Variants in FAM98B observed in about 807,000 individuals in gnomAD.
FAM98B encodes the protein tRNA-splicing ligase complex subunit FAM98B.
Under a neutral mutation model 43.9 loss-of-function variants are expected in FAM98B, and 32 were observed. That is an observed-to-expected ratio of 0.73 (90% CI 0.55 to 0.98). The LOEUF (loss-of-function observed/expected upper bound fraction) is 0.98. Ranked by LOEUF, FAM98B falls within the 50% of genes least tolerant of loss-of-function variation. The pLI is 0.00. For synonymous variants in FAM98B, 190 were observed against 174.0 expected (o/e 1.09, Z -0.72); for missense variants, 514 against 522.9 (o/e 0.98, Z 0.17).
intron 4 of FAM98B, among the ~76,000 whole-genome samples, chr15:38,471,453 AGATTGAGACAGATTTCT>A (rs1373526169): frequency 6.6e-6 from 1 of 152,090 alleles, no homozygotes; most frequent in African/African-American, 2.4e-5. Flanking sequence ...GGACTATTTC[AGATTGAGACAGATTTCT>A]GAGCTCATTA....
chr15:38,480,880 G>C lies in FAM98B; in HGVS notation c.730-412G>C, dbSNP rs545454087. Among the ~76,000 whole-genome samples, 25 of 152,008 alleles carry C rather than the reference G, an allele frequency of 1.6e-4. No individual in the cohort carries two copies. The South Asian group carries it at 2.1e-3, about 13-fold the overall frequency. ...TATAGGATTATAAGTTAATTTGGGG[G>C]AAAACTGACAATAATACTTAATGTT... On this transcript the variant is annotated intron_variant, in intron 6 of 7. Transcript: ENST00000397609.
chr15:38,471,884 C>T (rs1890135482), intron 4 of FAM98B, among the ~76,000 whole-genome samples: 1 of 152,118 alleles, frequency 6.6e-6, no homozygotes, highest in Non-Finnish European at 1.5e-5. Flanking sequence ...TAATAACTCA[C>T]TTAATTCTCA....
chr15:38,472,522 TA>T (rs1890142904), intron 4 of FAM98B, among the ~76,000 whole-genome samples: 1 of 152,164 alleles, frequency 6.6e-6, no homozygotes, highest in Admixed American at 6.5e-5. Context: ...AATCATGCCA[TA>T]AAGTTTGCCC....
intron 1 of FAM98B, among the ~76,000 whole-genome samples, chr15:38,458,430 C>T (rs1054304639): frequency 6.6e-6 from 1 of 152,080 alleles, no homozygotes; most frequent in Non-Finnish European, 1.5e-5. Context: ...GGAGAGGAGA[C>T]GACTTGAAAG....
intron 1 of FAM98B, among the ~76,000 whole-genome samples, chr15:38,455,595 T>C (rs149691542): frequency 2.1e-4 from 32 of 152,308 alleles, no homozygotes; most frequent in African/African-American, 7.5e-4. Flanking sequence ...GTGAAGTCCC[T>C]TGGAAGTTCT....
chr15:38,484,929 A>T lies in FAM98B; in HGVS notation c.*270A>T. ...AAAAAAAGAACAAAAATTATTTTTT[A>T]AAATGTAAATATTTATTACCATCAG... On this transcript the variant is annotated 3_prime_UTR_variant, in exon 8 of 8. Transcript: ENST00000397609. 2.7e-6 allele frequency: 1 copy of T among 368,212 alleles called. No individual in the cohort carries two copies. Among genetic ancestry groups the T allele is most frequent in the Non-Finnish European group, 4.6e-6 (1 of 216,912 alleles). 22.8% of individuals were successfully genotyped at this position (368,212 alleles called of 1,614,324 possible).
At chr15:38,469,877 T>C (rs1342929628) in intron 3 of FAM98B, among the ~76,000 whole-genome samples, 1 of 152,138 alleles carries the variant, frequency 6.6e-6, no homozygotes, top group African/African-American at 2.4e-5. Context: ...GGGGCCTGTA[T>C]CTTTGCCTGC....
chr15:38,483,354 C>T (rs1038808922), intron 7 of FAM98B: 1 of 151,698 alleles, frequency 6.6e-6, no homozygotes, highest in African/African-American at 2.4e-5. Flanking sequence ...CAGAAATACT[C>T]TCTCAGATTG....
Position 38,470,244 on chromosome 15 carries a change from C to G in FAM98B, c.370C>G (p.Leu124Val), listed in dbSNP as rs1890103196. 6.7e-7 allele frequency: 1 copy of G among 1,497,206 alleles called. No individual in the cohort carries two copies. The allele number at this position is 1,497,206 out of a possible 1,614,324, so 92.7% of individuals were successfully genotyped here. The change falls in exon 4 of 8, where the codon CTT becomes GTT. Residue 124 changes from leucine (L) to valine (V), a missense_variant. Leu to Val is a conservative substitution (Grantham distance 32, BLOSUM62 1). Transcript: ENST00000397609. The part of the protein sequence containing the change: ...LKLLLFLSTE[L>V]QASQILQNKK... ...TATTGTAGTATTTTTAAGTACAGAA[C>G]TTCAAGCTTCACAGATATTACAGAA...
chr15:38,486,466 T>C lies in FAM98B; in HGVS notation c.*1807T>C, dbSNP rs1890374040. 1 of 152,130 alleles carries C rather than the reference T, an allele frequency of 6.6e-6. No homozygotes were observed. The highest frequency in any genetic ancestry group is 1.5e-5 in the Non-Finnish European group (1 of 67,970). The allele number at this position is 152,130 out of a possible 1,614,324, so 9.4% of individuals were successfully genotyped here. On this transcript the variant is annotated 3_prime_UTR_variant, in exon 8 of 8. Coordinates refer to ENST00000397609, the MANE Select transcript of FAM98B (RefSeq NM_173611.4). ...TAGCATTAGTTGCTGATGAAGGAGA[T>C]TTACAACTACTTTCAACTTTTTTAC...
intron 4 of FAM98B, among the ~76,000 whole-genome samples, chr15:38,472,000 A>G (rs1890136969): frequency 6.6e-6 from 1 of 152,162 alleles, no homozygotes; most frequent in South Asian, 2.1e-4. Context: ...TTACCTAGAC[A>G]ACCATGTGAG....
chr15:38,474,236 C>T lies in FAM98B; in HGVS notation c.667C>T (p.Arg223Ter), dbSNP rs1368596429. ...ALSCEYECRR[R>*]MLMKRLDVTV... ...TTCCTGTGAATATGAGTGCCGCCGA[C>T]GAATGTTAATGAAACGATTAGATGT... The change falls in exon 6 of 8, where the codon CGA becomes TGA. Residue 223 changes from arginine (R) to a stop codon, truncating the protein, a stop_gained. Transcript: ENST00000397609. LOFTEE classifies it high-confidence loss of function. 6.8e-6 allele frequency: 11 copies of T among 1,613,678 alleles called. No homozygotes were observed. Among genetic ancestry groups the T allele is most frequent in the Non-Finnish European group, 8.5e-6 (10 of 1,179,798 alleles).
At position 38,474,172 on chromosome 15, in the gene FAM98B, A is replaced by G. The variant is rs776316579; in HGVS notation, c.613-10A>G. On this transcript the variant is annotated splice_polypyrimidine_tract_variant and intron_variant, in intron 5 of 7. Transcript: ENST00000397609. ...CTAAAGTTTATTATTTTTGTTTCCA[A>G]ATTTTTTAGGAACAACTGGAAAGAA... is the stretch of plus-strand genomic sequence containing the variant. 4 of 1,605,222 alleles carry G rather than the reference A, an allele frequency of 2.5e-6. No homozygotes were observed. The highest frequency in any genetic ancestry group is 2.2e-5 in the East Asian group (1 of 44,828).
Position 38,470,391 on chromosome 15 carries a change from C to T in FAM98B, c.517C>T (p.Gln173Ter), listed in dbSNP as rs1273719080. 6.3e-7 allele frequency: 1 copy of T among 1,594,206 alleles called. No individual in the cohort carries two copies. Residue 173 changes from glutamine (Q) to a stop codon, truncating the protein, a stop_gained, in exon 4 of 8, where the codon CAA becomes TAA. Transcript: ENST00000397609. LOFTEE classifies it high-confidence loss of function. ...TTSDIPHMLN[Q>*]VESKVKDILS... ...TTCTGACATTCCGCATATGCTAAACCAAGTGGAATCAAAGGTATTATCTTT... is the reference window on the plus strand; with the variant it reads ...TTCTGACATTCCGCATATGCTAAACTAAGTGGAATCAAAGGTATTATCTTT...
At chr15:38,472,864 A>G (rs923540442) in intron 4 of FAM98B, among the ~76,000 whole-genome samples, 10 of 152,156 alleles carry the variant, frequency 6.6e-5, no homozygotes, top group African/African-American at 2.4e-4. Context: ...CCAGTCAGGA[A>G]GGTAAATTAA....
At chr15:38,458,004 C>G (rs916629635) in intron 1 of FAM98B, among the ~76,000 whole-genome samples, 12 of 140,934 alleles carry the variant, frequency 8.5e-5, no homozygotes, top group African/African-American at 3.2e-4. Flanking sequence ...GTCAAAAGAA[C>G]AGAAATCAGT....
At chr15:38,460,315 A>C (rs965915301) in intron 1 of FAM98B, among the ~76,000 whole-genome samples, 1 of 152,224 alleles carries the variant, frequency 6.6e-6, no homozygotes, top group African/African-American at 2.4e-5. Context: ...TAAACACTAA[A>C]CAGTTGCTAA....
intron 4 of FAM98B, 60 bp from the exon 5 acceptor site, chr15:38,473,445 C>G (rs992688210): frequency 2.7e-4 from 327 of 1,224,656 alleles, no homozygotes; most frequent in Admixed American, 9.6e-4. Flanking sequence ...TTTAAACAAG[C>G]ATAAGATTGT....
chr15:38,460,404 TGAGA>T (rs1458048585), intron 1 of FAM98B, among the ~76,000 whole-genome samples: 1 of 150,822 alleles, frequency 6.6e-6, no homozygotes, highest in African/African-American at 2.4e-5. Flanking sequence ...TGATAAATAT[TGAGA>T]GTTTTTTTTT....
Sources: gnomAD v4.1 joint callset for allele counts (sites outside exome capture counted in the v4.1 genomes callset) on GRCh38, gnomAD v4.1.1 for gene constraint, MANE v1.5 for transcripts, NCBI Gene and HGNC (gene_info 2026-07-23, HGNC 2026-07-21) for gene names.